Variants in SLIT3 observed in about 807,000 individuals in gnomAD.
SLIT3 encodes slit homolog 3 protein.
Under a neutral mutation model 184.0 loss-of-function variants are expected in SLIT3, and 68 were observed. The observed-to-expected ratio is 0.37, with a 90% CI of 0.30 to 0.45. The LOEUF is 0.45. Among genes scored for constraint, SLIT3 ranks in the 20% least tolerant of loss-of-function variants. SLIT3 has a pLI of 1.00. For synonymous variants in SLIT3, 831 were observed against 828.6 expected, an observed-to-expected ratio of 1.00 and a Z score of -0.05; for missense variants, 1,707 against 2,026.0, an observed-to-expected ratio of 0.84 and a Z score of 3.02.
At chr5:168,916,660 G>C (rs572494786) in intron 4 of SLIT3, among the ~76,000 whole-genome samples, 1 of 152,356 alleles carries the variant, frequency 6.6e-6, no homozygotes, top group South Asian at 2.1e-4. Flanking sequence ...GGAGTTAGGA[G>C]AGTGGCAAAA....
intron 5 of SLIT3, among the ~76,000 whole-genome samples, chr5:168,851,773 C>T (rs1033371570): frequency 5.3e-5 from 8 of 152,230 alleles, no homozygotes; most frequent in African/African-American, 1.9e-4. Context: ...TGTTATACCC[C>T]ATGGGGCTGA....
chr5:169,071,672 T>C (rs6864266), intron 4 of SLIT3, among the ~76,000 whole-genome samples: 53,331 of 152,044 alleles, frequency 0.35, 10,274 homozygotes, highest in South Asian at 0.55. Flanking sequence ...GAATCTTTAC[T>C]GTGTGCAAGT....
intron 20 of SLIT3, among the ~76,000 whole-genome samples, chr5:168,746,591 A>G (rs199792943): frequency 1.7e-3 from 43 of 25,270 alleles, no homozygotes; most frequent in East Asian, 5.0e-3. Flanking sequence ...GTGGTGTGTG[A>G]GTGTGGTGGT....
chr5:168,757,026 C>T (rs1213025658), intron 16 of SLIT3, among the ~76,000 whole-genome samples: 2 of 152,234 alleles, frequency 1.3e-5, no homozygotes, highest in Non-Finnish European at 2.9e-5. Flanking sequence ...GTCTCTACAT[C>T]CATCAAAGCA....
intron 9 of SLIT3, among the ~76,000 whole-genome samples, 160 bp downstream of exon 9, chr5:168,806,286 T>C (rs551368318): frequency 1.5e-4 from 23 of 152,310 alleles, no homozygotes; most frequent in South Asian, 4.1e-4. Context: ...CAAGCTATCA[T>C]AGCTGGGAAA....
chr5:168,915,647 T>C lies in SLIT3; in HGVS notation c.414-32311A>G, dbSNP rs557163680. 2.8e-4 allele frequency among the ~76,000 whole-genome samples: 42 copies of C among 152,254 alleles called. No individual in the cohort carries two copies. In the South Asian group the frequency reaches 4.0e-3, roughly 14 times the overall value. On this transcript the variant is annotated intron_variant, in intron 4 of 35. Coordinates refer to ENST00000519560, the MANE Select transcript of SLIT3 (RefSeq NM_003062.4). ...AAAATTGTTAATGAGATATTATGCA[T>C]TCTTTTTTTTTTGAATACTGTTTTG...
chr5:169,120,190 A>T (rs1374159499), intron 4 of SLIT3: 1 of 152,212 alleles, frequency 6.6e-6, no homozygotes, highest in East Asian at 1.9e-4. Context: ...ATTTGGTCAG[A>T]GTGCTCAGTT....
intron 32 of SLIT3, among the ~76,000 whole-genome samples, chr5:168,677,609 C>T (rs563711026): frequency 3.9e-5 from 6 of 152,300 alleles, no homozygotes; most frequent in Admixed American, 6.5e-5. Flanking sequence ...CCACCATCCC[C>T]GGCTAATTTT....
At chr5:168,882,123 C>T (rs572723373) in intron 5 of SLIT3, among the ~76,000 whole-genome samples, 1 of 152,262 alleles carries the variant, frequency 6.6e-6, no homozygotes, top group South Asian at 2.1e-4. Context: ...CTTGAGTGTG[C>T]CAGTAAACTA....
intron 9 of SLIT3, 22 bp downstream of exon 9, chr5:168,806,424 G>C (rs778921560): frequency 6.2e-7 from 1 of 1,613,862 alleles, no homozygotes. Context: ...AGTTGTTGGG[G>C]GTGTCAGACA....
intron 7 of SLIT3, among the ~76,000 whole-genome samples, chr5:168,818,978 A>T (rs1274942594): frequency 1.3e-5 from 2 of 152,208 alleles, no homozygotes; most frequent in South Asian, 4.1e-4. Context: ...GACTTTTATG[A>T]TTTTGTTTCA....
chr5:169,078,578 C>G (rs1690752112), intron 4 of SLIT3, among the ~76,000 whole-genome samples: 1 of 152,198 alleles, frequency 6.6e-6, no homozygotes, highest in Non-Finnish European at 1.5e-5. Context: ...TTCCTTGTTA[C>G]TCTCCAGCTT....
chr5:168,764,830 A>G (rs1181787734), intron 14 of SLIT3, among the ~76,000 whole-genome samples: 1 of 152,098 alleles, frequency 6.6e-6, no homozygotes, highest in African/African-American at 2.4e-5. Flanking sequence ...GGTTCATTGT[A>G]TTATGCAAAT....
chr5:168,843,848 A>G (rs62378543), intron 6 of SLIT3, among the ~76,000 whole-genome samples: 28,120 of 152,182 alleles, frequency 0.18, 2,637 homozygotes, highest in East Asian at 0.26. Context: ...CCTGGGAGTT[A>G]GGTTTTCTTA....
chr5:169,039,484 T>C (rs1757376331), intron 4 of SLIT3, among the ~76,000 whole-genome samples: 3 of 151,850 alleles, frequency 2.0e-5, no homozygotes, highest in Admixed American at 1.3e-4. Flanking sequence ...GTCTGGCTAA[T>C]TTTTTGTATT....
chr5:168,772,976 T>C, intron 13 of SLIT3, 32 bp from the exon 14 acceptor site: 3 of 1,560,530 alleles, frequency 1.9e-6, no homozygotes, highest in Non-Finnish European at 2.6e-6. Context: ...TAATCAGGAG[T>C]GACCCACGGC....
intron 4 of SLIT3, among the ~76,000 whole-genome samples, chr5:169,000,861 G>A (rs2113419589): frequency 6.6e-6 from 1 of 152,280 alleles, no homozygotes; most frequent in Admixed American, 6.5e-5. Flanking sequence ...ATTTATACTA[G>A]ATGTTCTTTT....
chr5:168,692,463 T>C (rs995569665), intron 29 of SLIT3, 144 bp downstream of exon 29: 5 of 590,082 alleles, frequency 8.5e-6, no homozygotes, highest in East Asian at 5.7e-5. Context: ...CTGAGATAAT[T>C]AGATCATGGC....
In SLIT3 at chr5:169,129,833, TG is replaced by T. The variant is rs1761231623; in HGVS notation, c.413+63645del. Among the ~76,000 whole-genome samples, 7 of 144,630 alleles carry T rather than the reference TG, an allele frequency of 4.8e-5. No individual in the cohort carries two copies. In the Admixed American group the frequency reaches 4.9e-4, roughly 10 times the overall value. The allele number at this position is 144,630 out of a possible 152,430, so 94.9% of individuals were successfully genotyped here. A position where few individuals can be genotyped will look rare whatever the true frequency, so the allele number is the denominator to read the frequency against. On this transcript the variant is annotated intron_variant, in intron 4 of 35. Transcript: ENST00000519560. The stretch of plus-strand genomic sequence containing the variant: ...AGTTTCTTTGGTGGTTTTTTTTGTT[TG>T]TTTGTTTGTTTGTTTGTTTGTTTGT...
Sources: gnomAD v4.1 joint callset for allele counts (sites outside exome capture counted in the v4.1 genomes callset) on GRCh38, gnomAD v4.1.1 for gene constraint, MANE v1.5 for transcripts, NCBI Gene and HGNC (gene_info 2026-07-23, HGNC 2026-07-21) for gene names.